The following AZGP1 variants were observed in gnomAD, a reference collection of about 807,000 sequenced individuals.
AZGP1 encodes the protein zinc-alpha-2-glycoprotein.
In AZGP1, 28 loss-of-function variants were observed where a neutral mutation model predicts 31.5. That is an observed-to-expected ratio of 0.89 (90% CI 0.66 to 1.22). AZGP1 has a LOEUF of 1.22. AZGP1 is among the 50% of genes most tolerant of loss of function. The pLI is 0.00. For missense variants in AZGP1, 361 were observed against 371.8 expected (o/e 0.97, Z 0.24); for synonymous variants, 135 against 145.4 (o/e 0.93, Z 0.51).
Position 99,967,699 on chromosome 7 carries a change from C to T in AZGP1, c.614-413G>A, listed in dbSNP as rs1029251638. ...AGTCTCAGCTTGCAGCCATCAATTC[C>T]GCTCACACTGGCTTGCTCTTGTCCT... On this transcript the variant is annotated intron_variant, in intron 3 of 3. Coordinates refer to ENST00000292401, the MANE Select transcript of AZGP1 (RefSeq NM_001185.4). 6 of 411,526 alleles carry T rather than the reference C, an allele frequency of 1.5e-5. No homozygotes were observed. The Admixed American group carries it at 1.7e-4, about 12-fold the overall frequency. The allele number at this position is 411,526 out of a possible 1,614,324, so 25.5% of individuals were successfully genotyped here.
intron 1 of AZGP1, 93 bp downstream of exon 1, chr7:99,975,852 C>T (rs1789652816): frequency 1.4e-6 from 2 of 1,399,434 alleles, no homozygotes. Flanking sequence ...CCAGGGTATC[C>T]CAGCTGCATC....
At chr7:99,968,609 G>A (rs1789530235) in intron 2 of AZGP1, 179 bp from the exon 3 acceptor site, 2 of 759,792 alleles carry the variant, frequency 2.6e-6, no homozygotes, top group East Asian at 5.3e-5. Flanking sequence ...AGACAGAGAG[G>A]GGCTAACTCA....
rs572642239 is a variant in AZGP1, at chr7:99,975,683, G to A, written c.76+262C>T. 3.3e-5 allele frequency among the ~76,000 whole-genome samples: 5 copies of A among 152,252 alleles called. No homozygotes were observed. In the South Asian group the frequency reaches 1.0e-3, roughly 32 times the overall value. ...CCTGACTGTCTACCCCAAGCAGGTC[G>A]CTTGGTCTTTGGAGTCTTTGTTTTC... On this transcript the variant is annotated intron_variant, in intron 1 of 3. Coordinates refer to ENST00000292401, the MANE Select transcript of AZGP1 (RefSeq NM_001185.4).
chr7:99,973,732 A>G (rs897512913), intron 1 of AZGP1, among the ~76,000 whole-genome samples: 1 of 151,624 alleles, frequency 6.6e-6, no homozygotes, highest in Non-Finnish European at 1.5e-5. Flanking sequence ...CCTGGCCAAC[A>G]TGGTGAAACC....
At chr7:99,969,106 T>A (rs1305081323) in intron 2 of AZGP1, among the ~76,000 whole-genome samples, 2 of 149,808 alleles carry the variant, frequency 1.3e-5, no homozygotes, top group Non-Finnish European at 3.0e-5. Flanking sequence ...AAACCCCATC[T>A]CTACCAAAAA....
chr7:99,967,471 C>T (rs1239428740), intron 3 of AZGP1, 185 bp from the exon 4 acceptor site: 9 of 645,002 alleles, frequency 1.4e-5, no homozygotes, highest in Non-Finnish European at 2.1e-5. Flanking sequence ...CTTGCCCAAT[C>T]CCCACCTCAC....
chr7:99,968,962 C>CAAAAAAAAAAAAAAAAA lies in AZGP1; in HGVS notation c.338-549_338-533dup, dbSNP rs869115613. Among the ~76,000 whole-genome samples the CAAAAAAAAAAAAAAAAA allele has an allele frequency of 2.2e-4, 6 of 26,698 alleles. 2 individuals carry two copies. The highest frequency in any genetic ancestry group is 3.7e-4 in the Non-Finnish European group (6 of 16,386). 17.5% of individuals were successfully genotyped at this position (26,698 alleles called of 152,430 possible). ...TGGGTGACAGAGTGAGACCCTATCT[C>CAAAAAAAAAAAAAAAAA]AAAAAAAAAAAAAAAAAAAAAAAAA... On this transcript the variant is annotated intron_variant, in intron 2 of 3. Coordinates refer to ENST00000292401, the MANE Select transcript of AZGP1 (RefSeq NM_001185.4).
rs1158981940 is a variant in AZGP1 at position 99,967,074 on chromosome 7, C to A, written c.826G>T (p.Ala276Ser). ...VVVAVPPQDT[A>S]PYSCHVQHSS... ...TGCTGCACGTGGCAGGAGTAGGGGG[C>A]TGTGTCCTGCGGGGGCACTGCCACC... The change falls in exon 4 of 4, where the codon GCC becomes TCC. Residue 276 changes from alanine to serine, a missense_variant. Coordinates refer to ENST00000292401, the MANE Select transcript of AZGP1 (RefSeq NM_001185.4). 3.7e-5 allele frequency: 59 copies of A among 1,614,084 alleles called. No individual in the cohort carries two copies. Among genetic ancestry groups the A allele is most frequent in the Non-Finnish European group, 4.9e-5 (58 of 1,180,050 alleles).
At chr7:99,971,014 G>A (rs373172143) in intron 2 of AZGP1, among the ~76,000 whole-genome samples, 110 of 152,284 alleles carry the variant, frequency 7.2e-4, no homozygotes, top group African/African-American at 1.7e-3. Context: ...GGTCTGCATC[G>A]TATGGTAAGG....
intron 1 of AZGP1, 21 bp downstream of exon 1, chr7:99,975,924 T>A (rs1331102433): frequency 6.2e-7 from 1 of 1,613,426 alleles, no homozygotes; most frequent in Admixed American, 1.7e-5. Context: ...CCAGCACCCA[T>A]CCCTTGCTTT....
rs1213753591 is a variant in AZGP1 at position 99,968,520 on chromosome 7, A to G, written c.338-90T>C. The G allele has an allele frequency of 2.7e-6, 4 of 1,508,174 alleles. No individual in the cohort carries two copies. In the African/African-American group the frequency reaches 5.7e-5, roughly 21 times the overall value. 93.4% of individuals were successfully genotyped at this position (1,508,174 alleles called of 1,614,324 possible). On this transcript the variant is annotated intron_variant, in intron 2 of 3. Coordinates refer to ENST00000292401, the MANE Select transcript of AZGP1 (RefSeq NM_001185.4). ...TTAGTCTTGCACATTGGGCAACCCA[A>G]AAGAAATAAAGGTTTTTGCAATTCA...
rs759698081 is a variant in AZGP1 at position 99,968,114 on chromosome 7, T to C, written c.613+41A>G. On this transcript the variant is annotated intron_variant, in intron 3 of 3. Coordinates refer to ENST00000292401, the MANE Select transcript of AZGP1 (RefSeq NM_001185.4). The stretch of plus-strand genomic sequence containing the variant: ...GAGCTCCTAGCCTGAGATCGTCTTT[T>C]ATTCTGGGCTCAGTACTGGGGAGCA... 1.2e-5 allele frequency: 19 copies of C among 1,610,872 alleles called. No homozygotes were observed. The Admixed American group carries it at 2.0e-4, about 17-fold the overall frequency.
rs756329849 is a variant in AZGP1, at chr7:99,971,827, C to T, written c.256G>A (p.Asp86Asn). 1 of 1,614,154 alleles carries T rather than the reference C, an allele frequency of 6.2e-7. No individual in the cohort carries two copies. The highest frequency in any genetic ancestry group is 1.1e-5 in the South Asian group (1 of 91,078). ...TCCCTGGCCTTCTGAAGTTGGCTGT[C>T]CTGCTTCCAATCCTCCATTCCTTCC... ...QVEGMEDWKQ[D>N]SQLQKAREDI... Residue 86 changes from aspartate (D) to asparagine (N), a missense_variant, in exon 2 of 4, where the codon GAC becomes AAC. Transcript: ENST00000292401.
At position 99,971,977 on chromosome 7, in the gene AZGP1, C is replaced by G; in HGVS notation, c.106G>C (p.Gly36Arg). The change falls in exon 2 of 4, where the codon GGG (glycine) becomes CGG (arginine). Residue 36 changes from glycine to arginine, a missense_variant. By Grantham distance (125) the Gly-to-Arg change is moderately radical (BLOSUM62 -2). Transcript: ENST00000292401. ...ACGTCTTCAACATGCTTGGACAGCCCAGTGTAGATATAGGTCAGAGAGTAA... is the reference window on the plus strand; with the variant it reads ...ACGTCTTCAACATGCTTGGACAGCCGAGTGTAGATATAGGTCAGAGAGTAA... ...GRYSLTYIYT[G>R]LSKHVEDVPA... 1 of 1,613,660 alleles carries G rather than the reference C, an allele frequency of 6.2e-7. No homozygotes were observed. Among genetic ancestry groups the G allele is most frequent in the South Asian group, 1.1e-5 (1 of 91,006 alleles).
chr7:99,970,637 C>T (rs750969336), intron 2 of AZGP1, among the ~76,000 whole-genome samples: 31 of 152,102 alleles, frequency 2.0e-4, no homozygotes, highest in African/African-American at 6.3e-4. Flanking sequence ...TCAATGCTTC[C>T]CCCAGTGTCT....
intron 3 of AZGP1, chr7:99,967,694 A>G (rs1469108416): frequency 1.2e-5 from 5 of 407,642 alleles, no homozygotes; most frequent in Admixed American, 4.3e-5. Context: ...TGCAGCCATC[A>G]ATTCCGCTCA....
intron 2 of AZGP1, among the ~76,000 whole-genome samples, chr7:99,969,517 T>C (rs1022314404): frequency 7.9e-5 from 12 of 152,118 alleles, no homozygotes; most frequent in African/African-American, 2.9e-4. Flanking sequence ...GAGGCAAAGT[T>C]TGCAGTGAGC....
At chr7:99,973,535 G>C (rs192061041) in intron 1 of AZGP1, among the ~76,000 whole-genome samples, 9 of 152,176 alleles carry the variant, frequency 5.9e-5, no homozygotes, top group South Asian at 4.1e-4. Context: ...GGCAGGGTTG[G>C]GGGGAAATTG....
At chr7:99,973,711 T>C (rs1050218866) in intron 1 of AZGP1, among the ~76,000 whole-genome samples, 1 of 137,818 alleles carries the variant, frequency 7.3e-6, no homozygotes, top group Non-Finnish European at 1.6e-5. Flanking sequence ...AGGTCAGGAG[T>C]TCGAAACCAG....
Sources: allele counts gnomAD v4.1 joint callset (sites outside exome capture counted in the v4.1 genomes callset), GRCh38; gene constraint gnomAD v4.1.1; transcripts MANE v1.5; gene names NCBI Gene and HGNC (gene_info 2026-07-23, HGNC 2026-07-21).